INTS3: variants seen among roughly 807,000 people sequenced by gnomAD.
INTS3 encodes the protein integrator complex subunit 3, also known as SOSS complex subunit A.
INTS3 carries 34 observed loss-of-function variants against 146.3 expected under a neutral mutation model. The ratio of observed to expected loss-of-function variants is 0.23; its 90% CI spans 0.18 to 0.31. The LOEUF is 0.31. Ranked by LOEUF, INTS3 falls within the 10% of genes least tolerant of loss-of-function variation. The pLI is 1.00. For missense variants in INTS3, 757 were observed against 1,304.2 expected (o/e 0.58, Z 6.46); for synonymous variants, 475 against 494.9 (o/e 0.96, Z 0.53).
At chr1:153,741,457 A>C in intron 3 of INTS3, 89 bp downstream of exon 3, 3 of 961,156 alleles carry the variant, frequency 3.1e-6, no homozygotes, top group South Asian at 2.6e-5. Context: ...GTAGTATGAA[A>C]CTCTTCGACC....
chr1:153,731,233 T>C (rs1671048020), intron 1 of INTS3, among the ~76,000 whole-genome samples: 1 of 151,936 alleles, frequency 6.6e-6, no homozygotes, highest in Non-Finnish European at 1.5e-5. Context: ...AAGAGACAGG[T>C]CATTATAATT....
At chr1:153,742,128 G>A (rs1436767906) in intron 3 of INTS3, among the ~76,000 whole-genome samples, 1 of 152,180 alleles carries the variant, frequency 6.6e-6, no homozygotes, top group Admixed American at 6.5e-5. Context: ...AACCTCAAGG[G>A]AAGGATTTAT....
intron 1 of INTS3, among the ~76,000 whole-genome samples, chr1:153,735,558 C>A (rs1245680703): frequency 6.6e-6 from 1 of 152,170 alleles, no homozygotes; most frequent in East Asian, 1.9e-4. Context: ...GAAGGAATAT[C>A]TAGAATTTTA....
chr1:153,756,554 G>A (rs1158197548), intron 9 of INTS3, among the ~76,000 whole-genome samples: 2 of 151,880 alleles, frequency 1.3e-5, no homozygotes, highest in Non-Finnish European at 2.9e-5. Context: ...GGTGGCTCAC[G>A]CCTGTAATCT....
chr1:153,773,038 A>G lies in INTS3; in HGVS notation c.3008A>G (p.Gln1003Arg), dbSNP rs750070257. 1.3e-5 allele frequency: 21 copies of G among 1,614,070 alleles called. No homozygotes were observed. Among genetic ancestry groups the G allele is most frequent in the African/African-American group, 1.3e-5 (1 of 74,934 alleles). ...CCTCGAAGTCGAAAGAATGCCACAC[A>G]GCCCCCCAATGCCGAAGAAGAGTCG... ...SSPRSRKNAT[Q>R]PPNAEEESGS... Residue 1003 changes from glutamine (Q) to arginine (R), a missense_variant, in exon 29 of 30, where the codon CAG becomes CGG. This residue lies in a region of INTS3 where 125 missense variants were observed against 165.6 expected (regional missense o/e 0.75). Transcript: ENST00000318967.
At chr1:153,761,365 C>A (rs1672375967) in intron 13 of INTS3, 4 of 528,462 alleles carry the variant, frequency 7.6e-6, no homozygotes, top group Non-Finnish European at 1.3e-5. Context: ...CAAAAATTAG[C>A]CAGGTGTGAT....
chr1:153,757,836 G>C lies in INTS3; in HGVS notation c.1149+73G>C. 17 of 1,350,532 alleles carry C rather than the reference G, an allele frequency of 1.3e-5. No individual in the cohort carries two copies. The highest frequency in any genetic ancestry group is 1.8e-5 in the Non-Finnish European group (17 of 953,474). 83.7% of individuals were successfully genotyped at this position (1,350,532 alleles called of 1,614,324 possible). A position where few individuals can be genotyped will look rare whatever the true frequency, so the allele number is the denominator to read the frequency against. Reference sequence around the variant, plus strand: ...TTCCCATGTTTCCATTCTTCTTCCTGACTCCAGGGCCACTTGACCCCTAAG... The same window carrying C: ...TTCCCATGTTTCCATTCTTCTTCCTCACTCCAGGGCCACTTGACCCCTAAG... On this transcript the variant is annotated intron_variant, in intron 10 of 29. Transcript: ENST00000318967. This position sits in a 1 kb window ranked among gnomAD's most constrained non-coding sequence, Gnocchi z 4.0.
At chr1:153,770,546 G>T (rs952232229) in intron 24 of INTS3, 139 bp from the exon 25 acceptor site, 27 of 757,146 alleles carry the variant, frequency 3.6e-5, no homozygotes, top group Non-Finnish European at 5.8e-5. Flanking sequence ...TGATAGGAGT[G>T]GGGTAGGGGA....
intron 6 of INTS3, chr1:153,750,772 T>C: frequency 2.9e-6 from 1 of 344,300 alleles, no homozygotes; most frequent in South Asian, 5.5e-5. Context: ...AGGCACTCAG[T>C]AAATGTTTGA....
At chr1:153,737,838 C>A (rs1671361777) in intron 1 of INTS3, among the ~76,000 whole-genome samples, 1 of 152,048 alleles carries the variant, frequency 6.6e-6, no homozygotes, top group African/African-American at 2.4e-5. Flanking sequence ...CTCTATTTTT[C>A]TTTCCTCACA....
At position 153,728,753 on chromosome 1, in the gene INTS3, C is replaced by G; in HGVS notation, c.119C>G (p.Thr40Ser). 1 of 1,607,154 alleles carries G rather than the reference C, an allele frequency of 6.2e-7. No individual in the cohort carries two copies. Among genetic ancestry groups the G allele is most frequent in the South Asian group, 1.1e-5 (1 of 90,904 alleles). ...APGGGRLLLS[T>S]SLDAKDELEE... Reference sequence around the variant, plus strand: ...GGAGGGGGGAGGCTGCTACTTTCAACCAGTTTGGATGCCAAGGATGAGTTA... The same window carrying G: ...GGAGGGGGGAGGCTGCTACTTTCAAGCAGTTTGGATGCCAAGGATGAGTTA... Residue 40 changes from threonine to serine, a missense_variant, in exon 1 of 30, where the codon ACC (threonine) becomes AGC (serine). Physicochemically the swap from Thr to Ser is moderately conservative, Grantham distance 58. This residue lies in a region of INTS3 where 160 missense variants were observed against 193.7 expected (regional missense o/e 0.83). Transcript: ENST00000318967.
chr1:153,730,189 C>A lies in INTS3; in HGVS notation c.150+1405C>A, dbSNP rs1003754004. 1.4e-4 allele frequency among the ~76,000 whole-genome samples: 21 copies of A among 152,218 alleles called. 1 individual carries two copies. The highest frequency in any genetic ancestry group is 3.9e-4 in the Admixed American group (6 of 15,272). On this transcript the variant is annotated intron_variant, in intron 1 of 29. Coordinates refer to ENST00000318967, the MANE Select transcript of INTS3 (RefSeq NM_023015.5). ...TTTTCCACCAGCAAATGTCTACTTG[C>A]AGTCTGCCTTCCCGTCATGCTTTTC...
At position 153,772,646 on chromosome 1, in the gene INTS3, C is replaced by A. The variant is rs755949766; in HGVS notation, c.2829C>A (p.Ser943Arg). The change falls in exon 28 of 30, where the codon AGC (serine) becomes AGA (arginine). Residue 943 changes from serine (S) to arginine (R), a missense_variant. Physicochemically the swap from Ser to Arg is moderately radical, Grantham distance 110 (BLOSUM62 -1). Around this residue, in one of 8 missense-constraint regions of INTS3, gnomAD observed 125 missense variants for 165.6 expected, o/e 0.75. Transcript: ENST00000318967. This position sits in a 1 kb window ranked among gnomAD's most constrained non-coding sequence, Gnocchi z 4.6. ...NLTNTKQNFF[S>R]QTPILQALQH... ...TCCCTTTTCTTCCTCTAGTTTTTAGCCAGACGCCAATTCTCCAGGCGCTGC... is the reference window on the plus strand; with the variant it reads ...TCCCTTTTCTTCCTCTAGTTTTTAGACAGACGCCAATTCTCCAGGCGCTGC... 1 of 1,614,194 alleles carries A rather than the reference C, an allele frequency of 6.2e-7. No individual in the cohort carries two copies. The highest frequency in any genetic ancestry group is 1.7e-5 in the Admixed American group (1 of 60,016).
chr1:153,772,898 CAA>C lies in INTS3; in HGVS notation c.2895-25_2895-24del, dbSNP rs748814396. 3.1e-6 allele frequency: 5 copies of C among 1,613,442 alleles called. No individual in the cohort carries two copies. The highest frequency in any genetic ancestry group is 2.7e-5 in the African/African-American group (2 of 74,912). On this transcript the variant is annotated intron_variant, in intron 28 of 29. Coordinates refer to ENST00000318967, the MANE Select transcript of INTS3 (RefSeq NM_023015.5). This position sits in a 1 kb window ranked among gnomAD's most constrained non-coding sequence, Gnocchi z 4.6. ...GCCGTAGGAGCAGCAGGCTCCCACT[CAA>C]AGAGCTACCGCTCCTTTTCCTTAGA...
chr1:153,753,020 G>A (rs960765897), intron 8 of INTS3, among the ~76,000 whole-genome samples: 1 of 150,898 alleles, frequency 6.6e-6, no homozygotes, highest in South Asian at 2.1e-4. Context: ...GCTTGTGATC[G>A]TGCATGCACC....
intron 1 of INTS3, 59 bp from the exon 2 acceptor site, chr1:153,740,592 A>G (rs2101787559): frequency 7.8e-7 from 1 of 1,279,184 alleles, no homozygotes; most frequent in East Asian, 2.3e-5. Context: ...TTAGGGGCCC[A>G]GAAGTACTTC....
intron 14 of INTS3, among the ~76,000 whole-genome samples, chr1:153,762,301 T>A (rs754364320): frequency 5.3e-5 from 8 of 152,056 alleles, no homozygotes; most frequent in East Asian, 1.9e-4. Flanking sequence ...TACAAAAAAA[T>A]TTGTATTTGG....
chr1:153,741,457 A>G (rs1206166588), intron 3 of INTS3, 89 bp downstream of exon 3: 1 of 961,040 alleles, frequency 1.0e-6, no homozygotes, highest in Non-Finnish European at 1.7e-6. Flanking sequence ...GTAGTATGAA[A>G]CTCTTCGACC....
intron 22 of INTS3, among the ~76,000 whole-genome samples, 179 bp from the exon 23 acceptor site, chr1:153,769,590 C>T (rs1672734804): frequency 1.3e-5 from 2 of 152,108 alleles, no homozygotes; most frequent in African/African-American, 4.8e-5. Context: ...TCAGCCCCTT[C>T]ATCCTTCAGA....
Sources: allele counts gnomAD v4.1 joint callset (sites outside exome capture counted in the v4.1 genomes callset), GRCh38; gene constraint gnomAD v4.1.1; regional missense constraint gnomAD v4.1.1; non-coding constraint Gnocchi (gnomAD v3.1); transcripts MANE v1.5; gene names NCBI Gene and HGNC (gene_info 2026-07-23, HGNC 2026-07-21).